Variants in MCF2 observed in about 807,000 individuals in gnomAD.
The protein encoded by MCF2 is MCF.2 cell line derived transforming sequence, also known as proto-oncogene DBL.
MCF2 carries 44 observed loss-of-function variants against 82.5 expected under a neutral mutation model. That is an observed-to-expected ratio of 0.53 (90% confidence interval 0.42 to 0.69). MCF2 has a LOEUF of 0.69. Ranked by LOEUF, MCF2 falls within the 30% of genes least tolerant of loss-of-function variation. The pLI, the probability that MCF2 is intolerant of heterozygous loss-of-function variation, is 0.00. For synonymous variants in MCF2, 217 were observed against 224.9 expected (o/e 0.96, Z 0.32); for missense variants, 623 against 663.1 (o/e 0.94, Z 0.66).
rs1247263832 is a variant in MCF2 at position 139,706,137 on chromosome X, A to G, written c.-45+1969T>C. On this transcript the variant is annotated intron_variant, in intron 1 of 27. Coordinates refer to the MCF2 transcript ENST00000414978. ...TGTTGGTGGAAATGTAAATTAGTCC[A>G]GCCGCTGTGGAAAGCAGTCTGGAGA... is the stretch of plus-strand genomic sequence containing the variant. Among the ~76,000 whole-genome samples the G allele has an allele frequency of 2.7e-5, 3 of 112,677 alleles. No homozygotes were observed. In the Admixed American group the frequency reaches 2.8e-4, roughly 11 times the overall value.
intron 1 of MCF2, among the ~76,000 whole-genome samples, chrX:139,654,567 C>T (rs756260581): frequency 8.1e-5 from 9 of 111,717 alleles, no homozygotes; most frequent in Non-Finnish European, 1.7e-4. Context: ...GGATAGTTTG[C>T]GAATATTTTC....
At chrX:139,651,775 G>C in exon 2 of MCF2, 1 of 1,147,915 alleles carries the variant, frequency 8.7e-7, no homozygotes, top group Non-Finnish European at 1.2e-6. Flanking sequence ...TTATACGGAG[G>C]AGCAGATCGG....
chrX:139,588,755 ACTACTAC>A (rs1453597864), intron 20 of MCF2, among the ~76,000 whole-genome samples: 4 of 107,380 alleles, frequency 3.7e-5, no homozygotes, highest in Non-Finnish European at 7.7e-5. Flanking sequence ...TACTACTACT[ACTACTAC>A]TAATAATAAT....
chrX:139,604,133 C>T lies in MCF2; in HGVS notation c.1743+548G>A, dbSNP rs554552950. On this transcript the variant is annotated intron_variant, in intron 15 of 24. Coordinates refer to ENST00000370576, the Ensembl canonical transcript of MCF2. ...TGGGAAGTCAATTGTATTAACCATACTTGGGACACAGAGGAATGGGCCTCC... is the reference window on the plus strand; with the variant it reads ...TGGGAAGTCAATTGTATTAACCATATTTGGGACACAGAGGAATGGGCCTCC... 1.2e-4 allele frequency among the ~76,000 whole-genome samples: 13 copies of T among 111,048 alleles called. 1 individual carries two copies. The South Asian group carries it at 5.0e-3, about 43-fold the overall frequency.
At chrX:139,686,170 A>C (rs2148569993) in intron 1 of MCF2, among the ~76,000 whole-genome samples, 1 of 111,062 alleles carries the variant, frequency 9.0e-6, no homozygotes, top group East Asian at 2.8e-4. Flanking sequence ...ATCACACTGA[A>C]TGGACAAAAG....
chrX:139,650,323 G>A (rs1315943554), intron 2 of MCF2, among the ~76,000 whole-genome samples: 4 of 111,166 alleles, frequency 3.6e-5, no homozygotes, highest in Non-Finnish European at 7.5e-5. Flanking sequence ...CACTGTACTG[G>A]AGCCTGGACA....
At chrX:139,664,186 G>A (rs1176753766) in intron 1 of MCF2, among the ~76,000 whole-genome samples, 8 of 110,152 alleles carry the variant, frequency 7.3e-5, no homozygotes, top group Non-Finnish European at 1.3e-4. Context: ...TGCATTTTTA[G>A]TAGACAGGGT....
At chrX:139,677,521 C>T (rs956606139) in intron 1 of MCF2, among the ~76,000 whole-genome samples, 5 of 111,829 alleles carry the variant, frequency 4.5e-5, no homozygotes, top group East Asian at 2.8e-4. Flanking sequence ...CATACGAATA[C>T]GCCACAGGTA....
intron 6 of MCF2, among the ~76,000 whole-genome samples, chrX:139,621,127 A>G (rs1256947587): frequency 9.0e-6 from 1 of 111,252 alleles, no homozygotes; most frequent in Non-Finnish European, 1.9e-5. Context: ...AATGGTGCTG[A>G]GATAGCTGAC....
At chrX:139,706,959 C>CA (rs1345841192) in intron 1 of MCF2, among the ~76,000 whole-genome samples, 3 of 109,389 alleles carry the variant, frequency 2.7e-5, no homozygotes, top group South Asian at 3.9e-4. Context: ...ATGTATTCCC[C>CA]AAAAAAATGA....
intron 1 of MCF2, among the ~76,000 whole-genome samples, chrX:139,683,600 G>C (rs1321017641): frequency 8.9e-6 from 1 of 112,652 alleles, no homozygotes; most frequent in African/African-American, 3.2e-5. Context: ...CAAAGCTACA[G>C]TAATAAAGAT....
At chrX:139,643,154 C>A (rs1191044297), upstream of MCF2, among the ~76,000 whole-genome samples, 1 of 111,631 alleles carries the variant, frequency 9.0e-6, no homozygotes, top group Non-Finnish European at 1.9e-5. Flanking sequence ...ACAATTCTCT[C>A]CCAAATTAAC....
exon 1 of MCF2, chrX:139,642,681 G>GA: frequency 2.1e-5 from 22 of 1,048,289 alleles, no homozygotes; most frequent in African/African-American, 1.4e-4. Flanking sequence ...ATGCTGGGGA[G>GA]GAAAAAAAAA....
At chrX:139,595,471 G>A (rs1245856955) in intron 19 of MCF2, among the ~76,000 whole-genome samples, 4 of 104,116 alleles carry the variant, frequency 3.8e-5, no homozygotes, top group East Asian at 6.2e-4. Context: ...GTAAACTATC[G>A]CAAGAACAAA....
chrX:139,691,967 G>C, intron 1 of MCF2: 1 of 1,166,692 alleles, frequency 8.6e-7, no homozygotes, highest in Non-Finnish European at 1.1e-6. Flanking sequence ...CGTACTTCTC[G>C]GCAATCCTCA....
rs772065902 is a variant in MCF2, at chrX:139,593,735, C to T, written c.2277+2814G>A. Among the ~76,000 whole-genome samples, 1,079 of 111,256 alleles carry T rather than the reference C, an allele frequency of 9.7e-3. 11 individuals are homozygous for T. The highest frequency in any genetic ancestry group is 0.034 in the African/African-American group (1,032 of 30,604). On this transcript the variant is annotated intron_variant, in intron 19 of 24. Transcript: ENST00000370576. ...TGGGATGCAAGGCTGGTTCAATATA[C>T]GCAAATCGATAAATGTAATCCAGCA...
rs745443095 is a variant in MCF2, at chrX:139,617,526, T to G, written c.986A>C (p.Lys329Thr). ...CCATTACACTACCTGCTGTAGGAGT[T>G]TATGCATTTTGAAGGTCCTGCTGAG... is the stretch of plus-strand genomic sequence containing the variant. The change falls in exon 8 of 25, where the codon AAA becomes ACA. Residue 329 changes from lysine to threonine, a missense_variant. Lys to Thr is a moderately conservative substitution (Grantham distance 78, BLOSUM62 -1). Coordinates refer to ENST00000370576, the Ensembl canonical transcript of MCF2. 3.4e-6 allele frequency: 4 copies of G among 1,182,107 alleles called. No individual in the cohort carries two copies. The South Asian group carries it at 5.9e-5, about 17-fold the overall frequency.
exon 22 of MCF2, chrX:139,587,739 C>A: frequency 8.4e-7 from 1 of 1,194,980 alleles, no homozygotes; most frequent in Non-Finnish European, 1.1e-6. Flanking sequence ...GAAGAGAAAT[C>A]TGAAACTTAT....
intron 15 of MCF2, among the ~76,000 whole-genome samples, chrX:139,603,558 G>A (rs747787234): frequency 7.1e-5 from 8 of 112,516 alleles, no homozygotes; most frequent in African/African-American, 9.7e-5. Context: ...CATCTTAGCC[G>A]GACACGGTGG....
Sources: gnomAD v4.1 joint callset for allele counts (sites outside exome capture counted in the v4.1 genomes callset) on GRCh38, gnomAD v4.1.1 for gene constraint, MANE v1.5 for transcripts, NCBI Gene and HGNC (gene_info 2026-07-23, HGNC 2026-07-21) for gene names.